TMEM185A: variants seen among roughly 807,000 people sequenced by gnomAD.
TMEM185A encodes family with sequence similarity 11, member A.
TMEM185A carries 9 observed loss-of-function variants against 25.0 expected under a neutral mutation model. That is an observed-to-expected ratio of 0.36 (90% CI 0.22 to 0.63). The LOEUF is 0.63. TMEM185A is among the 20% of genes least tolerant of loss of function. The pLI, the probability that TMEM185A is intolerant of heterozygous loss-of-function variation, is 0.68. For synonymous variants in TMEM185A, 45 were observed against 93.5 expected (o/e 0.48, Z 2.99); for missense variants, 103 against 237.4 (o/e 0.43, Z 3.72).
At chrX:149,602,406 A>T (rs1210891436) in intron 4 of TMEM185A, among the ~76,000 whole-genome samples, 2 of 112,557 alleles carry the variant, frequency 1.8e-5, no homozygotes, top group African/African-American at 6.5e-5. Flanking sequence ...TTGAGTTGGC[A>T]TACGAATTTT....
chrX:149,605,715 C>T (rs140490778), intron 3 of TMEM185A, among the ~76,000 whole-genome samples: 1 of 112,359 alleles, frequency 8.9e-6, no homozygotes, highest in African/African-American at 3.2e-5. Flanking sequence ...TCTCCTGAAT[C>T]CCGTGCCCAC....
intron 2 of TMEM185A, 37 bp downstream of exon 2, chrX:149,611,250 A>T (rs1557354451): frequency 8.7e-7 from 1 of 1,152,466 alleles, no homozygotes; most frequent in South Asian, 2.0e-5. Flanking sequence ...TTGCTCCCTC[A>T]TGCTAGAGAC....
chrX:149,603,901 C>T, intron 4 of TMEM185A, 86 bp downstream of exon 4: 2 of 798,711 alleles, frequency 2.5e-6, no homozygotes, highest in Non-Finnish European at 3.6e-6. Flanking sequence ...TTCTGCTTGT[C>T]CGTCTTTTCC....
At chrX:149,619,500 CTTT>C (rs1167404791) in intron 1 of TMEM185A, among the ~76,000 whole-genome samples, 14 of 107,934 alleles carry the variant, frequency 1.3e-4, no homozygotes, top group South Asian at 7.9e-4. Flanking sequence ...CTTTTTTTTT[CTTT>C]TTTTTATTAT....
intron 4 of TMEM185A, among the ~76,000 whole-genome samples, chrX:149,603,346 C>T (rs782641444): frequency 3.0e-4 from 33 of 108,294 alleles, no homozygotes; most frequent in African/African-American, 1.0e-3. Context: ...AGGTTGGTCT[C>T]GAACTCCTGA....
chrX:149,610,713 G>A (rs2090078826), intron 2 of TMEM185A, among the ~76,000 whole-genome samples: 1 of 111,573 alleles, frequency 9.0e-6, no homozygotes, highest in Non-Finnish European at 1.9e-5. Flanking sequence ...GAGCAGGGAG[G>A]GCAAGAGTTG....
intron 1 of TMEM185A, among the ~76,000 whole-genome samples, chrX:149,626,897 T>C (rs1163161806): frequency 2.7e-5 from 3 of 112,370 alleles, no homozygotes; most frequent in African/African-American, 9.7e-5. Flanking sequence ...CAGAGCAGTA[T>C]TGCTGCCAGC....
intron 6 of TMEM185A, 134 bp downstream of exon 6, chrX:149,599,420 C>T (rs1344991849): frequency 4.0e-6 from 2 of 500,083 alleles, no homozygotes; most frequent in Non-Finnish European, 6.9e-6. Flanking sequence ...TTCCTCAGCC[C>T]TCACTTTCCC....
chrX:149,608,946 T>C, intron 2 of TMEM185A, 112 bp from the exon 3 acceptor site: 2 of 708,596 alleles, frequency 2.8e-6, no homozygotes, highest in South Asian at 2.9e-5. Context: ...ACTTGAAAAT[T>C]TGACAAAAGC....
intron 1 of TMEM185A, among the ~76,000 whole-genome samples, chrX:149,619,249 T>A (rs781874326): frequency 4.5e-5 from 5 of 112,014 alleles, no homozygotes; most frequent in African/African-American, 1.6e-4. Context: ...TCATATACAA[T>A]AGCAAAAAAA....
At chrX:149,622,694 C>A (rs782131284) in intron 1 of TMEM185A, among the ~76,000 whole-genome samples, 50 of 111,039 alleles carry the variant, frequency 4.5e-4, no homozygotes, top group Admixed American at 4.5e-3. Context: ...TGCGTTCGCT[C>A]AAGATGCTCA....
chrX:149,631,788 A>C lies in TMEM185A; in HGVS notation c.-208T>G. The C allele has an allele frequency of 7.1e-6, 2 of 279,954 alleles. No homozygotes were observed. Among genetic ancestry groups the C allele is most frequent in the Non-Finnish European group, 1.2e-5 (2 of 165,801 alleles). The allele number at this position is 279,954 out of a possible 1,213,427, so 23.1% of individuals were successfully genotyped here. ...CGCCGCCGCCGCCGCCGCCCGGAGA[A>C]ACCTGAGCCACCGCCCCCTGCCCCT... On this transcript the variant is annotated 5_prime_UTR_variant, in exon 1 of 7. Transcript: ENST00000600449.
At chrX:149,630,625 G>A (rs2090186330) in intron 1 of TMEM185A, among the ~76,000 whole-genome samples, 2 of 112,000 alleles carry the variant, frequency 1.8e-5, no homozygotes, top group Admixed American at 1.9e-4. Context: ...GAATCACCCA[G>A]TTACATATGG....
chrX:149,605,716 C>T (rs1002244244), intron 3 of TMEM185A, among the ~76,000 whole-genome samples: 1 of 112,328 alleles, frequency 8.9e-6, no homozygotes, highest in Non-Finnish European at 1.9e-5. Context: ...CTCCTGAATC[C>T]CGTGCCCACT....
intron 1 of TMEM185A, among the ~76,000 whole-genome samples, chrX:149,613,549 G>A (rs1239305096): frequency 2.7e-5 from 3 of 112,052 alleles, no homozygotes; most frequent in African/African-American, 9.7e-5. Context: ...ATCCCTGGAG[G>A]CTCCAGAAAG....
intron 1 of TMEM185A, among the ~76,000 whole-genome samples, chrX:149,631,276 C>T (rs1246250314): frequency 9.1e-6 from 1 of 110,060 alleles, no homozygotes; most frequent in Admixed American, 9.5e-5. Context: ...AATGGGGTTC[C>T]CTTGGGGCAG....
intron 2 of TMEM185A, among the ~76,000 whole-genome samples, chrX:149,609,462 C>T (rs1244336897): frequency 8.9e-6 from 1 of 112,566 alleles, no homozygotes; most frequent in Non-Finnish European, 1.9e-5. Flanking sequence ...GAAAGAAGAA[C>T]AAGAGTTAAA....
Position 149,611,394 on chromosome X carries a change from TATG to T in TMEM185A, c.105_107del (p.Ile36del). ...CAAAGACAGCCCAGTAACTCCACTG[TATG>T]ATGCCATCCAAACGAAGGGCCAGCA... On this transcript the variant is annotated inframe_deletion, in exon 2 of 7. Coordinates refer to ENST00000600449, the MANE Select transcript of TMEM185A (RefSeq NM_032508.4). 8.3e-7 allele frequency: 1 copy of T among 1,211,394 alleles called. No homozygotes were observed. The highest frequency in any genetic ancestry group is 3.0e-5 in the East Asian group (1 of 33,838).
chrX:149,611,053 T>C (rs1167224208), intron 2 of TMEM185A, among the ~76,000 whole-genome samples: 1 of 111,953 alleles, frequency 8.9e-6, no homozygotes, highest in South Asian at 3.8e-4. Context: ...TTGGATTATA[T>C]AGGCATCTGT....
Sources: allele counts gnomAD v4.1 joint callset (sites outside exome capture counted in the v4.1 genomes callset), GRCh38; gene constraint gnomAD v4.1.1; transcripts MANE v1.5; gene names NCBI Gene and HGNC (gene_info 2026-07-23, HGNC 2026-07-21).